The following ST6GALNAC3 variants were observed in gnomAD, a reference collection of about 807,000 sequenced individuals.
ST6GALNAC3 encodes alpha-N-acetylgalactosaminide alpha-2,6-sialyltransferase 3.
ST6GALNAC3 carries 25 observed loss-of-function variants against 32.7 expected under a neutral mutation model. The ratio of observed to expected loss-of-function variants is 0.76; its 90% CI spans 0.56 to 1.07. The LOEUF is 1.07. Among genes scored for constraint, ST6GALNAC3 ranks in the 50% least tolerant of loss-of-function variants. The pLI is 0.00. For missense variants in ST6GALNAC3, 355 were observed against 382.4 expected (o/e 0.93, Z 0.60); for synonymous variants, 129 against 133.1 (o/e 0.97, Z 0.21).
Position 76,627,558 on chromosome 1 carries a change from A to C in ST6GALNAC3, c.730A>C (p.Lys244Gln), listed in dbSNP as rs200521648. Reference sequence around the variant, plus strand: ...CGGGATGATAAATGACACCTACTGCAAGTAAGATCACAAGAAATTATTTTT... The same window carrying C: ...CGGGATGATAAATGACACCTACTGCCAGTAAGATCACAAGAAATTATTTTT... ...VYGMINDTYC[K>Q]TEGYRKVPYH... Residue 244 changes from lysine (K) to glutamine (Q), a missense_variant and splice_region_variant, in exon 4 of 5, where the codon AAG becomes CAG. Coordinates refer to ENST00000328299, the MANE Select transcript of ST6GALNAC3 (RefSeq NM_152996.4). 1.0e-5 allele frequency: 16 copies of C among 1,605,332 alleles called. No individual in the cohort carries two copies. The highest frequency in any genetic ancestry group is 1.3e-5 in the Non-Finnish European group (15 of 1,172,714).
chr1:76,448,674 T>C (rs1468838243), intron 3 of ST6GALNAC3, among the ~76,000 whole-genome samples: 1 of 152,176 alleles, frequency 6.6e-6, no homozygotes, highest in Non-Finnish European at 1.5e-5. Context: ...CAAGACCCAA[T>C]GTTTTTAAAA....
At chr1:76,167,434 T>C (rs1652193853) in intron 1 of ST6GALNAC3, among the ~76,000 whole-genome samples, 1 of 152,196 alleles carries the variant, frequency 6.6e-6, no homozygotes, top group African/African-American at 2.4e-5. Flanking sequence ...TCCAGGCTAT[T>C]GGCCTGAAGA....
chr1:76,532,024 A>C (rs566263364), intron 3 of ST6GALNAC3, among the ~76,000 whole-genome samples: 1 of 152,282 alleles, frequency 6.6e-6, no homozygotes, highest in African/African-American at 2.4e-5. Flanking sequence ...GGATACTGGG[A>C]TAGCTGTCGC....
chr1:76,389,427 G>T (rs1293698995), intron 2 of ST6GALNAC3, among the ~76,000 whole-genome samples: 1 of 152,086 alleles, frequency 6.6e-6, no homozygotes, highest in African/African-American at 2.4e-5. Flanking sequence ...TTGATTTGGG[G>T]GTTAACACAA....
chr1:76,251,842 C>G (rs187606188), intron 1 of ST6GALNAC3, among the ~76,000 whole-genome samples: 2 of 152,082 alleles, frequency 1.3e-5, no homozygotes, highest in Non-Finnish European at 2.9e-5. Flanking sequence ...CCTAGATAAG[C>G]AGGGACTGTC....
intron 3 of ST6GALNAC3, among the ~76,000 whole-genome samples, chr1:76,482,240 T>C (rs1025323376): frequency 6.6e-6 from 1 of 152,004 alleles, no homozygotes; most frequent in African/African-American, 2.4e-5. Flanking sequence ...TTCTGAAAGG[T>C]TATGAGCCCC....
chr1:76,150,629 G>C (rs759081022), intron 1 of ST6GALNAC3, among the ~76,000 whole-genome samples: 5 of 152,058 alleles, frequency 3.3e-5, no homozygotes, highest in Non-Finnish European at 7.3e-5. Context: ...TTCCCTCTGA[G>C]CATGGCTGGT....
intron 3 of ST6GALNAC3, among the ~76,000 whole-genome samples, chr1:76,510,367 G>T (rs1025855575): frequency 1.3e-5 from 2 of 151,320 alleles, no homozygotes; most frequent in African/African-American, 4.9e-5. Flanking sequence ...TGTGCCAGGT[G>T]GGTGCTAGGA....
intron 1 of ST6GALNAC3, among the ~76,000 whole-genome samples, chr1:76,312,841 G>C (rs888025062): frequency 4.6e-5 from 7 of 152,168 alleles, no homozygotes; most frequent in African/African-American, 1.7e-4. Context: ...GTACGCCTAT[G>C]AGTAACTGTA....
At chr1:76,611,544 C>T (rs1647932797) in intron 3 of ST6GALNAC3, among the ~76,000 whole-genome samples, 1 of 152,188 alleles carries the variant, frequency 6.6e-6, no homozygotes, top group East Asian at 1.9e-4. Flanking sequence ...TTCTCCATAC[C>T]CCTCTCCTCC....
intron 3 of ST6GALNAC3, among the ~76,000 whole-genome samples, chr1:76,451,356 G>A (rs961456596): frequency 2.0e-5 from 3 of 152,110 alleles, no homozygotes; most frequent in African/African-American, 7.2e-5. Context: ...GTGTGTGCAA[G>A]GGAACTGCCC....
At chr1:76,098,322 A>G (rs916839413) in intron 1 of ST6GALNAC3, among the ~76,000 whole-genome samples, 5 of 152,158 alleles carry the variant, frequency 3.3e-5, no homozygotes, top group Admixed American at 3.3e-4. Context: ...TTTCTTCCCT[A>G]TTCTAAATCT....
chr1:76,454,618 C>T (rs1310857234), intron 3 of ST6GALNAC3, among the ~76,000 whole-genome samples: 1 of 152,106 alleles, frequency 6.6e-6, no homozygotes, highest in Non-Finnish European at 1.5e-5. Flanking sequence ...GCCCAAATCC[C>T]TTCTAGCTTG....
rs561486891 is a variant in ST6GALNAC3, at chr1:76,257,598, T to C, written c.19-56207T>C. On this transcript the variant is annotated intron_variant, in intron 1 of 4. Transcript: ENST00000328299. ...TGCCGTTCAGTAATAGTAGCTTCTC[T>C]TATTACTGTGTGTATCCCAGTAAAT... 2.6e-5 allele frequency among the ~76,000 whole-genome samples: 4 copies of C among 152,282 alleles called. No homozygotes were observed. The East Asian group carries it at 7.7e-4, about 29-fold the overall frequency.
chr1:76,353,266 A>G (rs1649149844), intron 2 of ST6GALNAC3, among the ~76,000 whole-genome samples: 2 of 151,874 alleles, frequency 1.3e-5, no homozygotes. Flanking sequence ...CTCTCCCTGT[A>G]CGTTCTTCGG....
At chr1:76,087,601 G>A (rs1414793036) in intron 1 of ST6GALNAC3, among the ~76,000 whole-genome samples, 1 of 152,052 alleles carries the variant, frequency 6.6e-6, no homozygotes, top group East Asian at 1.9e-4. Flanking sequence ...TTATATTTGT[G>A]GATTATCTCA....
chr1:76,448,350 C>G (rs960864761), intron 3 of ST6GALNAC3, among the ~76,000 whole-genome samples: 1 of 152,176 alleles, frequency 6.6e-6, no homozygotes, highest in Non-Finnish European at 1.5e-5. Flanking sequence ...TTTACAGGCT[C>G]ATAGGCAGAA....
At chr1:76,295,091 AT>A (rs11373156) in intron 1 of ST6GALNAC3, among the ~76,000 whole-genome samples, 35 of 148,870 alleles carry the variant, frequency 2.4e-4, no homozygotes, top group East Asian at 1.2e-3. Context: ...ACCAGTGGGC[AT>A]TTTTTTTTTC....
At chr1:76,564,844 A>G (rs904615271) in intron 3 of ST6GALNAC3, among the ~76,000 whole-genome samples, 3 of 152,062 alleles carry the variant, frequency 2.0e-5, no homozygotes, top group African/African-American at 7.2e-5. Flanking sequence ...CGGCCTCCCA[A>G]AGTGCTGGGA....
Sources: gnomAD v4.1 joint callset for allele counts (sites outside exome capture counted in the v4.1 genomes callset) on GRCh38, gnomAD v4.1.1 for gene constraint, MANE v1.5 for transcripts, NCBI Gene and HGNC (gene_info 2026-07-23, HGNC 2026-07-21) for gene names.